Variants in ZNF85 observed in about 807,000 individuals in gnomAD.
ZNF85 encodes the protein zinc finger protein 85.
A neutral mutation model predicts 53.9 loss-of-function variants in ZNF85; 50 were observed. The ratio of observed to expected loss-of-function variants is 0.93; its 90% confidence interval spans 0.74 to 1.17. The LOEUF is 1.17. Ranked by LOEUF, ZNF85 falls within the 50% of genes most tolerant of loss-of-function variation. The probability of loss-of-function intolerance (pLI) is 0.00; values close to 1 mark genes in which losing one functional copy is unlikely to be tolerated. For synonymous variants in ZNF85, 225 were observed against 226.1 expected, an observed-to-expected ratio of 1.00 and a Z score of 0.04; for missense variants, 747 against 688.5, an observed-to-expected ratio of 1.08 and a Z score of -0.95.
At chr19:20,934,596 C>T (rs774427242) in intron 2 of ZNF85, among the ~76,000 whole-genome samples, 15 of 151,764 alleles carry the variant, frequency 9.9e-5, no homozygotes, top group African/African-American at 3.1e-4. Flanking sequence ...GGTGAAACCC[C>T]GTCTCTACTA....
At chr19:20,941,967 C>A (rs1387601989) in intron 3 of ZNF85, among the ~76,000 whole-genome samples, 1 of 152,078 alleles carries the variant, frequency 6.6e-6, no homozygotes, top group Non-Finnish European at 1.5e-5. Context: ...AATCCATCTT[C>A]ATCTTATCCA....
Position 20,948,865 on chromosome 19 carries a change from C to A in ZNF85, c.351C>A (p.Gly117=). ...CRHENLPLRK[G]CESMDECKMH... is the part of the protein sequence containing the mutation. ...ATGAAAATTTACCATTAAGAAAAGG[C>A]TGTGAAAGTATGGATGAGTGTAAGA... The change falls in exon 4 of 4, where the codon GGC becomes GGA. Residue 117 remains glycine (G), a synonymous_variant. Transcript: ENST00000328178. 6.2e-7 allele frequency: 1 copy of A among 1,613,176 alleles called. No homozygotes were observed. The highest frequency in any genetic ancestry group is 8.5e-7 in the Non-Finnish European group (1 of 1,179,628).
At chr19:20,938,527 G>C (rs900131811) in intron 3 of ZNF85, among the ~76,000 whole-genome samples, 1 of 151,870 alleles carries the variant, frequency 6.6e-6, no homozygotes, top group Non-Finnish European at 1.5e-5. Context: ...AAGAAAGTAG[G>C]GCACCTTTTA....
chr19:20,932,916 G>A (rs555640217), intron 1 of ZNF85, among the ~76,000 whole-genome samples: 144 of 151,966 alleles, frequency 9.5e-4, no homozygotes, highest in African/African-American at 2.8e-3. Flanking sequence ...TAGGATGGGC[G>A]CGGTGGCTCA....
At chr19:20,926,698 T>C (rs1028577261) in intron 1 of ZNF85, 7 of 152,110 alleles carry the variant, frequency 4.6e-5, no homozygotes, top group South Asian at 2.1e-4. Flanking sequence ...TGAGAGAAGC[T>C]CCAAAGCCTT....
intron 1 of ZNF85, 64 bp from the exon 2 acceptor site, chr19:20,933,960 T>C: frequency 2.2e-5 from 1 of 46,320 alleles, no homozygotes; most frequent in South Asian, 3.9e-4. Flanking sequence ...GGTAATTATG[T>C]GTGTGTGTGT....
intron 1 of ZNF85, among the ~76,000 whole-genome samples, chr19:20,933,056 G>A (rs1973062949): frequency 6.6e-6 from 1 of 151,900 alleles, no homozygotes; most frequent in Admixed American, 6.6e-5. Context: ...AGCCGGGCAT[G>A]GTGGTGGGCA....
chr19:20,923,593 C>T (rs966433218), intron 1 of ZNF85, among the ~76,000 whole-genome samples, 190 bp downstream of exon 1: 8 of 152,300 alleles, frequency 5.3e-5, no homozygotes, highest in Admixed American at 4.6e-4. Flanking sequence ...CCCGGGCGTC[C>T]TGTCTCTTCC....
chr19:20,938,298 G>A (rs1209631948), intron 3 of ZNF85, among the ~76,000 whole-genome samples: 12 of 152,208 alleles, frequency 7.9e-5, no homozygotes, highest in South Asian at 6.2e-4. Flanking sequence ...TTGAACTTCT[G>A]ACGTTAACCT....
intron 3 of ZNF85, among the ~76,000 whole-genome samples, chr19:20,946,897 T>C (rs1309109660): frequency 1.3e-5 from 2 of 151,814 alleles, no homozygotes; most frequent in Non-Finnish European, 2.9e-5. Context: ...TAAATCCCTT[T>C]ATTGAAAGTA....
At chr19:20,930,794 CAG>C (rs1356237459) in intron 1 of ZNF85, among the ~76,000 whole-genome samples, 1 of 152,044 alleles carries the variant, frequency 6.6e-6, no homozygotes, top group Non-Finnish European at 1.5e-5. Context: ...TATTTAGAGA[CAG>C]AGTTTCGCTC....
intron 1 of ZNF85, 91 bp downstream of exon 1, chr19:20,923,494 G>T (rs1385645754): frequency 3.8e-6 from 6 of 1,597,478 alleles, no homozygotes; most frequent in Non-Finnish European, 5.1e-6. Context: ...CCTCCCTGTA[G>T]TCAGCTCCAC....
chr19:20,949,942 T>G lies in ZNF85; in HGVS notation c.1428T>G (p.His476Gln), dbSNP rs772886242. Residue 476 changes from histidine to glutamine, a missense_variant, in exon 4 of 4, where the codon CAT becomes CAG. Coordinates refer to ENST00000328178, the MANE Select transcript of ZNF85 (RefSeq NM_003429.5). Reference sequence around the variant, plus strand: ...ATCTTACTAGACATAAGAAAAGTCATACAGAAGAGAAACCTTACAAATGTG... The same window carrying G: ...ATCTTACTAGACATAAGAAAAGTCAGACAGAAGAGAAACCTTACAAATGTG... ...SSNLTRHKKS[H>Q]TEEKPYKCEE... The G allele has an allele frequency of 1.2e-6, 2 of 1,612,526 alleles. No homozygotes were observed. The highest frequency in any genetic ancestry group is 1.7e-6 in the Non-Finnish European group (2 of 1,179,192).
intron 1 of ZNF85, among the ~76,000 whole-genome samples, chr19:20,925,828 G>A (rs1972868374): frequency 6.6e-6 from 1 of 152,174 alleles, no homozygotes; most frequent in African/African-American, 2.4e-5. Flanking sequence ...ACCTTGAAAA[G>A]ATTTGTTCAC....
chr19:20,934,948 G>A lies in ZNF85; in HGVS notation c.131-1G>A, dbSNP rs1555793600. 1.3e-6 allele frequency: 2 copies of A among 1,597,204 alleles called. No individual in the cohort carries two copies. The highest frequency in any genetic ancestry group is 1.7e-6 in the Non-Finnish European group (2 of 1,171,116). ...TATATTATTTATTTTTAATAAAACA[G>A]GTATTACTGTTTCTAAGCCAGACCT... On this transcript the variant is annotated splice_acceptor_variant, in intron 2 of 3. Transcript: ENST00000328178. LOFTEE classifies it high-confidence loss of function.
chr19:20,937,078 G>T, intron 3 of ZNF85: 2 of 235,644 alleles, frequency 8.5e-6, no homozygotes, highest in South Asian at 4.6e-5. Flanking sequence ...CTGTCATCAG[G>T]CTGGAGTGCA....
At position 20,949,680 on chromosome 19, in the gene ZNF85, A is replaced by T. The variant is rs1460854159; in HGVS notation, c.1166A>T (p.Lys389Met). 6.2e-7 allele frequency: 1 copy of T among 1,613,270 alleles called. No homozygotes were observed. Among genetic ancestry groups the T allele is most frequent in the Non-Finnish European group, 8.5e-7 (1 of 1,179,502 alleles). Residue 389 changes from lysine to methionine, a missense_variant, in exon 4 of 4, where the codon AAG becomes ATG. Transcript: ENST00000328178. ...FNHFSHLTTH[K>M]IIHTGEKPYK... ...CATTTCTCACACCTTACTACACATA[A>T]GATAATTCATACTGGAGAGAAACCT...
chr19:20,934,622 A>T (rs1326471977), intron 2 of ZNF85, among the ~76,000 whole-genome samples: 1 of 151,808 alleles, frequency 6.6e-6, no homozygotes, highest in Non-Finnish European at 1.5e-5. Flanking sequence ...ACAAAAAATT[A>T]GCTGGGTGTG....
At chr19:20,934,873 A>G (rs1599433831) in intron 2 of ZNF85, 76 bp from the exon 3 acceptor site, 1 of 824,946 alleles carries the variant, frequency 1.2e-6, no homozygotes, top group Non-Finnish European at 1.8e-6. Flanking sequence ...GGATTAATTT[A>G]CTAGCTAAGC....
Sources: gnomAD v4.1 joint callset for allele counts (sites outside exome capture counted in the v4.1 genomes callset) on GRCh38, gnomAD v4.1.1 for gene constraint, MANE v1.5 for transcripts, NCBI Gene and HGNC (gene_info 2026-07-23, HGNC 2026-07-21) for gene names.